The following TPR variants were observed in gnomAD, a reference collection of about 807,000 sequenced individuals.
TPR encodes translocated promoter region, nuclear basket protein, also known as nucleoprotein TPR.
A neutral mutation model predicts 316.1 loss-of-function variants in TPR; 51 were observed. The ratio of observed to expected loss-of-function variants is 0.16; its 90% CI spans 0.13 to 0.20. TPR has a LOEUF of 0.20. Among genes scored for constraint, TPR ranks in the 10% least tolerant of loss-of-function variants. The pLI, the probability that TPR is intolerant of heterozygous loss-of-function variation, is 1.00. For missense variants in TPR, 2,272 were observed against 2,754.8 expected (o/e 0.82, Z 3.92); for synonymous variants, 981 against 914.7 (o/e 1.07, Z -1.31).
intron 2 of TPR, among the ~76,000 whole-genome samples, chr1:186,371,491 T>A (rs1285634404): frequency 6.6e-6 from 1 of 152,190 alleles, no homozygotes; most frequent in Non-Finnish European, 1.5e-5. Context: ...CTATCATTTA[T>A]CACTCTAAAT....
At chr1:186,344,321 A>G in intron 25 of TPR, 54 bp downstream of exon 25, 1 of 1,579,810 alleles carries the variant, frequency 6.3e-7, no homozygotes, top group South Asian at 1.1e-5. Flanking sequence ...AAAATAAAGA[A>G]AAAAACAACT....
chr1:186,315,597 A>AT (rs1657585911), intron 49 of TPR, among the ~76,000 whole-genome samples: 1 of 151,912 alleles, frequency 6.6e-6, no homozygotes, highest in Non-Finnish European at 1.5e-5. Context: ...TCCATTATTC[A>AT]TTTTTAATCT....
chr1:186,352,204 T>C (rs1240037542), intron 18 of TPR, 94 bp from the exon 19 acceptor site: 12 of 1,141,996 alleles, frequency 1.1e-5, no homozygotes, highest in South Asian at 2.0e-5. Flanking sequence ...ACATCACTAC[T>C]TTTTTTTAAT....
intron 21 of TPR, 84 bp downstream of exon 21, chr1:186,350,139 T>C (rs1036033291): frequency 2.4e-6 from 3 of 1,248,442 alleles, no homozygotes; most frequent in Non-Finnish European, 3.2e-6. Context: ...CACAAAGAAT[T>C]AGGCTATTTA....
intron 2 of TPR, among the ~76,000 whole-genome samples, chr1:186,371,844 G>A (rs1659536333): frequency 6.6e-6 from 1 of 152,008 alleles, no homozygotes; most frequent in African/African-American, 2.4e-5. Context: ...CTGATCCAGA[G>A]TATATAAATA....
At position 186,311,973 on chromosome 1, in the gene TPR, T is replaced by C; in HGVS notation, c.*1998A>G. On this transcript the variant is annotated 3_prime_UTR_variant, in exon 51 of 51. Coordinates refer to ENST00000367478, the MANE Select transcript of TPR (RefSeq NM_003292.3). ...TTAAATATATAACTATGTAATTTGC[T>C]GCATCTATTCATTCAACAAGTATTT... 1 of 573,990 alleles carries C rather than the reference T, an allele frequency of 1.7e-6. No homozygotes were observed. Among genetic ancestry groups the C allele is most frequent in the Non-Finnish European group, 3.0e-6 (1 of 328,746 alleles). 35.6% of individuals were successfully genotyped at this position (573,990 alleles called of 1,614,324 possible). A position where few individuals can be genotyped will look rare whatever the true frequency, so the allele number is the denominator to read the frequency against.
intron 42 of TPR, among the ~76,000 whole-genome samples, chr1:186,324,743 T>C (rs192992432): frequency 1.3e-3 from 205 of 152,054 alleles, no homozygotes; most frequent in Non-Finnish European, 2.1e-3. Context: ...CCATTAATTT[T>C]GTTCAGGGCA....
chr1:186,351,438 T>C lies in TPR; in HGVS notation c.2502A>G (p.Lys834=). 2 of 1,610,514 alleles carry C rather than the reference T, an allele frequency of 1.2e-6. No homozygotes were observed. The highest frequency in any genetic ancestry group is 2.2e-5 in the South Asian group (2 of 90,056). ...GILERSETET[K]QRLSSQIEKL... is the part of the protein sequence containing the mutation. ...TTTCTATCTGGCTACTAAGCCTTTG[T>C]TTGGTTTCTGTTTCAGATCGCTCCA... is the stretch of plus-strand genomic sequence containing the variant. Residue 834 remains lysine, a synonymous_variant, in exon 20 of 51, where the codon AAA becomes AAG. Coordinates refer to ENST00000367478, the MANE Select transcript of TPR (RefSeq NM_003292.3).
intron 4 of TPR, among the ~76,000 whole-genome samples, chr1:186,367,202 AT>A (rs765578193): frequency 4.9e-4 from 74 of 151,614 alleles, no homozygotes; most frequent in Middle Eastern, 3.4e-3. Context: ...AGTAGCTGGG[AT>A]TACAGGTGCG....
Position 186,318,480 on chromosome 1 carries a change from C to T in TPR, c.6788G>A (p.Gly2263Glu), listed in dbSNP as rs1296143157. Residue 2263 changes from glycine (G) to glutamate (E), a missense_variant, in exon 48 of 51, where the codon GGA becomes GAA. Transcript: ENST00000367478. ...TTNETATGDD[G>E]DEVFVEAESE... ...TTCTGCCTCCACAAATACTTCATCT[C>T]CATCATCACCTGTTGCTGTTTCATT... 6.2e-7 allele frequency: 1 copy of T among 1,612,570 alleles called. No homozygotes were observed. The highest frequency in any genetic ancestry group is 8.5e-7 in the Non-Finnish European group (1 of 1,179,658).
In TPR at chr1:186,314,729, G is replaced by T. The variant is rs373135880; in HGVS notation, c.6941-5C>A. ...TTGGTTGACTACTACTAGTATCTAA[G>T]AAAAACATTAAGATAAAAGAAAAGC... On this transcript the variant is annotated splice_region_variant and splice_polypyrimidine_tract_variant and intron_variant, in intron 49 of 50. Coordinates refer to ENST00000367478, the MANE Select transcript of TPR (RefSeq NM_003292.3). The T allele has an allele frequency of 3.0e-5, 48 of 1,588,852 alleles. No individual in the cohort carries two copies. Among genetic ancestry groups the T allele is most frequent in the Non-Finnish European group, 4.1e-5 (48 of 1,166,230 alleles).
chr1:186,363,381 T>C lies in TPR; in HGVS notation c.492A>G (p.Leu164=), dbSNP rs757127373. Residue 164 remains leucine, a synonymous_variant, in exon 5 of 51, where the codon TTA becomes TTG. Transcript: ENST00000367478. ...CAGAAGCTTGAAGTTCATCCAATTT[T>C]AACTGAAGTTCACCCTTTGTTGTAT... ...ESNTTKGELQ[L]KLDELQASDV... 5.0e-6 allele frequency: 8 copies of C among 1,612,904 alleles called. No individual in the cohort carries two copies. In the Admixed American group the frequency reaches 1.0e-4, roughly 20 times the overall value.
intron 14 of TPR, 138 bp downstream of exon 14, chr1:186,357,259 G>A: frequency 1.3e-6 from 1 of 749,628 alleles, no homozygotes; most frequent in Non-Finnish European, 2.2e-6. Context: ...TGTCGTCCAG[G>A]CTGGTCTCGA....
At chr1:186,339,513 G>A (rs1443042837) in intron 30 of TPR, 129 bp downstream of exon 30, 3 of 636,084 alleles carry the variant, frequency 4.7e-6, no homozygotes, top group Non-Finnish European at 7.0e-6. Flanking sequence ...GTAGATGGAA[G>A]TCAGATATAG....
rs1393112591 is a variant in TPR, at chr1:186,313,052, A to G, written c.*919T>C. 1 of 768,314 alleles carries G rather than the reference A, an allele frequency of 1.3e-6. No homozygotes were observed. Among genetic ancestry groups the G allele is most frequent in the Non-Finnish European group, 2.1e-6 (1 of 474,506 alleles). 47.6% of individuals were successfully genotyped at this position (768,314 alleles called of 1,614,324 possible). ...GAAAAGAGTTAAGACTTTTGCTTTA[A>G]TTTCAATTAAAATGATGGCACTGCA... On this transcript the variant is annotated 3_prime_UTR_variant, in exon 51 of 51. Coordinates refer to ENST00000367478, the MANE Select transcript of TPR (RefSeq NM_003292.3).
At chr1:186,340,723 G>C (rs1658486715) in intron 29 of TPR, among the ~76,000 whole-genome samples, 1 of 152,060 alleles carries the variant, frequency 6.6e-6, no homozygotes, top group Non-Finnish European at 1.5e-5. Flanking sequence ...GAGCCACCGT[G>C]TCTGGCCTCA....
intron 24 of TPR, 29 bp from the exon 25 acceptor site, chr1:186,344,607 CA>C (rs1658620257): frequency 6.9e-7 from 1 of 1,445,720 alleles, no homozygotes; most frequent in African/African-American, 1.4e-5. Flanking sequence ...CAATTGATAC[CA>C]AAGATTAAAA....
intron 49 of TPR, among the ~76,000 whole-genome samples, chr1:186,317,281 T>C (rs1657638859): frequency 6.6e-6 from 1 of 152,252 alleles, no homozygotes; most frequent in Non-Finnish European, 1.5e-5. Context: ...TGTCCATATT[T>C]CTTATTATTG....
At chr1:186,350,660 C>T (rs972814347) in intron 20 of TPR, among the ~76,000 whole-genome samples, 2 of 152,034 alleles carry the variant, frequency 1.3e-5, no homozygotes, top group Non-Finnish European at 2.9e-5. Flanking sequence ...TGAGGCAGAG[C>T]CCAGGAGACT....
Sources: gnomAD v4.1 joint callset for allele counts (sites outside exome capture counted in the v4.1 genomes callset) on GRCh38, gnomAD v4.1.1 for gene constraint, MANE v1.5 for transcripts, NCBI Gene and HGNC (gene_info 2026-07-23, HGNC 2026-07-21) for gene names.